Variants in FOXN3 observed in about 807,000 individuals in gnomAD.
The protein encoded by FOXN3 is forkhead box protein N3.
A neutral mutation model predicts 38.4 loss-of-function variants in FOXN3; 7 were observed. The observed-to-expected ratio is 0.18, with a 90% CI of 0.10 to 0.34. FOXN3 has a LOEUF of 0.34. FOXN3 is among the 10% of genes least tolerant of loss of function. FOXN3 has a pLI of 1.00. For missense variants in FOXN3, 456 were observed against 613.4 expected, an observed-to-expected ratio of 0.74 and a Z score of 2.71; for synonymous variants, 230 against 242.2, an observed-to-expected ratio of 0.95 and a Z score of 0.47.
upstream of FOXN3, among the ~76,000 whole-genome samples, chr14:89,420,322 T>A (rs1241772591): frequency 6.6e-6 from 1 of 152,130 alleles, no homozygotes; most frequent in African/African-American, 2.4e-5. Context: ...TCCCTACTGC[T>A]AACAGCTGAG....
Position 89,180,724 on chromosome 14 carries a change from G to A in FOXN3, c.828C>T (p.Pro276=). 6.2e-7 allele frequency: 1 copy of A among 1,611,520 alleles called. No homozygotes were observed. Among genetic ancestry groups the A allele is most frequent in the Non-Finnish European group, 8.5e-7 (1 of 1,178,848 alleles). ...ACCTCATGGCCGCTGTCACCCCAAT[G>A]GGAGTGATTGGCAGCGGCCGCACGC... ...FPGVRPLPIT[P]IGVTAAMRNG... is the part of the protein sequence containing the mutation. Residue 276 remains proline, a synonymous_variant, in exon 5 of 6, where the codon CCC becomes CCT. Transcript: ENST00000557258.
At chr14:89,338,858 A>G (rs1342905699) in intron 3 of FOXN3, among the ~76,000 whole-genome samples, 1 of 152,188 alleles carries the variant, frequency 6.6e-6, no homozygotes, top group Non-Finnish European at 1.5e-5. Flanking sequence ...AAGACTGCAC[A>G]ATTATTAAAA....
intron 1 of FOXN3, among the ~76,000 whole-genome samples, chr14:89,480,994 C>T (rs1435045343): frequency 6.6e-6 from 1 of 151,668 alleles, no homozygotes; most frequent in African/African-American, 2.4e-5. Flanking sequence ...TTAGGAAGGC[C>T]AGGAACCAGG....
chr14:89,343,328 C>T (rs1008156786), intron 3 of FOXN3, among the ~76,000 whole-genome samples: 34 of 152,260 alleles, frequency 2.2e-4, no homozygotes, highest in African/African-American at 7.7e-4. Context: ...CACCTCCTCC[C>T]AATGCAATTC....
intron 2 of FOXN3, among the ~76,000 whole-genome samples, chr14:89,357,591 A>G (rs1889282993): frequency 6.6e-6 from 1 of 152,070 alleles, no homozygotes; most frequent in Non-Finnish European, 1.5e-5. Flanking sequence ...CTGGGAAACA[A>G]GAGTGAAACT....
chr14:89,490,124 C>T lies in FOXN3; in HGVS notation c.-14-77634G>A, dbSNP rs528013125. Among the ~76,000 whole-genome samples, 29 of 152,320 alleles carry T rather than the reference C, an allele frequency of 1.9e-4. No homozygotes were observed. In the South Asian group the frequency reaches 5.2e-3, roughly 27 times the overall value. On this transcript the variant is annotated intron_variant, in intron 1 of 6. Transcript: ENST00000345097. ...GCTGCGCCCAGCTGGCCCAGTGATA[C>T]GGTGCCCAGGCGCTGGGAGGCATGT...
chr14:89,325,371 C>CACCACTACCACT (rs1566956980), intron 3 of FOXN3, among the ~76,000 whole-genome samples: 2 of 141,862 alleles, frequency 1.4e-5, no homozygotes, highest in Non-Finnish European at 3.1e-5. Flanking sequence ...CTACCACCAC[C>CACCACTACCACT]GCCACCACCA....
intron 2 of FOXN3, among the ~76,000 whole-genome samples, chr14:89,396,917 G>C (rs1257853021): frequency 2.7e-5 from 4 of 148,320 alleles, no homozygotes; most frequent in African/African-American, 1.0e-4. Context: ...GCACAAATCT[G>C]GTCCAAGTCA....
chr14:89,321,124 C>T (rs927605463), intron 3 of FOXN3, among the ~76,000 whole-genome samples: 1 of 151,832 alleles, frequency 6.6e-6, no homozygotes, highest in Non-Finnish European at 1.5e-5. Context: ...CCCCTCTCTA[C>T]TAAAAAACAC....
intron 1 of FOXN3, among the ~76,000 whole-genome samples, chr14:89,461,025 T>C (rs1254965322): frequency 9.6e-6 from 1 of 104,212 alleles, no homozygotes; most frequent in Admixed American, 1.1e-4. Context: ...CGAAACTCCA[T>C]CTTAAAAAAA....
In FOXN3 at chr14:89,320,084, T is replaced by C. The variant is rs182222029; in HGVS notation, c.680+30588A>G. Among the ~76,000 whole-genome samples the C allele has an allele frequency of 9.7e-4, 148 of 152,286 alleles. 1 individual carries two copies. In the East Asian group the frequency reaches 0.023, roughly 24 times the overall value. On this transcript the variant is annotated intron_variant, in intron 3 of 5. Coordinates refer to ENST00000557258, the MANE Select transcript of FOXN3 (RefSeq NM_005197.4). ...AGCCCCCAACTTCAAATAAAAAACA[T>C]TTGCGGGCAGCCGGGAAGGGGAAGA...
intron 1 of FOXN3, among the ~76,000 whole-genome samples, chr14:89,414,850 C>A (rs973178408): frequency 3.3e-5 from 5 of 152,178 alleles, no homozygotes; most frequent in African/African-American, 9.7e-5. Flanking sequence ...CGCGCCTGGC[C>A]AAGATGCCCA....
chr14:89,600,978 C>A (rs560718883), intron 1 of FOXN3, among the ~76,000 whole-genome samples: 1 of 152,180 alleles, frequency 6.6e-6, no homozygotes, highest in East Asian at 1.9e-4. Context: ...AAGCAAACAA[C>A]ATAATAAGTA....
chr14:89,318,157 C>CT (rs761579795), intron 3 of FOXN3, among the ~76,000 whole-genome samples: 1 of 74,896 alleles, frequency 1.3e-5, no homozygotes, highest in Non-Finnish European at 2.7e-5. Context: ...TCTTCTTCTT[C>CT]TTCTCTTTTT....
chr14:89,235,883 G>C (rs984097757), intron 4 of FOXN3, among the ~76,000 whole-genome samples: 1 of 136,142 alleles, frequency 7.3e-6, no homozygotes, highest in African/African-American at 3.8e-5. Flanking sequence ...TTGGAGTTCT[G>C]ATCTCCAGAA....
intron 3 of FOXN3, among the ~76,000 whole-genome samples, chr14:89,344,897 A>T (rs942172859): frequency 6.6e-6 from 1 of 152,234 alleles, no homozygotes; most frequent in African/African-American, 2.4e-5. Context: ...GGAGGGGCAC[A>T]GGCAACATAA....
At chr14:89,306,161 G>A (rs554377281) in intron 3 of FOXN3, among the ~76,000 whole-genome samples, 1 of 152,146 alleles carries the variant, frequency 6.6e-6, no homozygotes, top group African/African-American at 2.4e-5. Flanking sequence ...GTGTGGAGAA[G>A]AGTTTTTCAG....
intron 3 of FOXN3, among the ~76,000 whole-genome samples, chr14:89,313,858 T>C (rs1887645375): frequency 6.6e-6 from 1 of 152,182 alleles, no homozygotes; most frequent in African/African-American, 2.4e-5. Context: ...TTGGGGACAC[T>C]GCGCTAAGTG....
At chr14:89,516,791 G>A (rs398347) in intron 1 of FOXN3, among the ~76,000 whole-genome samples, 83,010 of 151,472 alleles carry the variant, frequency 0.55, 23,163 homozygotes, top group Middle Eastern at 0.59. Flanking sequence ...TCAAACTCCC[G>A]AGCTCAAGCG....
Sources: allele counts gnomAD v4.1 joint callset (sites outside exome capture counted in the v4.1 genomes callset), GRCh38; gene constraint gnomAD v4.1.1; transcripts MANE v1.5; gene names NCBI Gene and HGNC (gene_info 2026-07-23, HGNC 2026-07-21).